MAP3K5: variants seen among roughly 807,000 people sequenced by gnomAD.
The protein encoded by MAP3K5 is ASK-1.
Under a neutral mutation model 158.7 loss-of-function variants are expected in MAP3K5, and 56 were observed. That is an observed-to-expected ratio of 0.35 (90% CI 0.28 to 0.44). MAP3K5 has a LOEUF of 0.44. MAP3K5 is among the 20% of genes least tolerant of loss of function. MAP3K5 has a pLI of 1.00. For missense variants in MAP3K5, 1,294 were observed against 1,674.8 expected (o/e 0.77, Z 3.97); for synonymous variants, 579 against 601.7 (o/e 0.96, Z 0.55).
chr6:136,705,795 GC>G (rs1781049812), intron 2 of MAP3K5, among the ~76,000 whole-genome samples: 1 of 152,144 alleles, frequency 6.6e-6, no homozygotes, highest in African/African-American at 2.4e-5. Flanking sequence ...AAACGAGTTT[GC>G]TTTCCCTAAG....
intron 23 of MAP3K5, among the ~76,000 whole-genome samples, chr6:136,591,419 T>C (rs1401069181): frequency 6.6e-6 from 1 of 152,244 alleles, no homozygotes; most frequent in Non-Finnish European, 1.5e-5. Flanking sequence ...TGGCCACCCA[T>C]GGCCTTGAAC....
chr6:136,704,537 G>T lies in MAP3K5; in HGVS notation c.612+573C>A, dbSNP rs1239325247. ...CCACAACATTGAATACACTATAAAA[G>T]ATTTTCTTTTTATTTATTTATTTTT... On this transcript the variant is annotated intron_variant, in intron 3 of 29. Transcript: ENST00000359015. Among the ~76,000 whole-genome samples, 3 of 151,930 alleles carry T rather than the reference G, an allele frequency of 2.0e-5. No individual in the cohort carries two copies. The East Asian group carries it at 5.8e-4, about 29-fold the overall frequency.
intron 1 of MAP3K5, among the ~76,000 whole-genome samples, chr6:136,725,869 A>G (rs914238597): frequency 1.3e-5 from 2 of 152,210 alleles, no homozygotes; most frequent in African/African-American, 4.8e-5. Context: ...TGATTTTTGT[A>G]TATGGTGTGA....
At chr6:136,728,096 A>G (rs987234395) in intron 1 of MAP3K5, among the ~76,000 whole-genome samples, 1 of 152,226 alleles carries the variant, frequency 6.6e-6, no homozygotes, top group Admixed American at 6.5e-5. Flanking sequence ...TAAGTGGAGG[A>G]TAACACAAGG....
intron 1 of MAP3K5, among the ~76,000 whole-genome samples, chr6:136,754,810 A>G (rs1783399050): frequency 6.6e-6 from 1 of 152,126 alleles, no homozygotes; most frequent in Non-Finnish European, 1.5e-5. Flanking sequence ...CAGCCTAGGG[A>G]AGAATGATGT....
chr6:136,660,876 G>T (rs1412728274), intron 8 of MAP3K5, among the ~76,000 whole-genome samples: 2 of 151,842 alleles, frequency 1.3e-5, no homozygotes, highest in East Asian at 3.9e-4. Context: ...TTTTTGTCCA[G>T]TAGAGATGCA....
At chr6:136,663,727 A>T (rs1779107754) in intron 8 of MAP3K5, among the ~76,000 whole-genome samples, 1 of 150,174 alleles carries the variant, frequency 6.7e-6, no homozygotes, top group Non-Finnish European at 1.5e-5. Context: ...CTCCTGTCTC[A>T]GTCTCCCAAG....
intron 2 of MAP3K5, among the ~76,000 whole-genome samples, chr6:136,708,741 C>T (rs997903934): frequency 6.6e-6 from 1 of 152,124 alleles, no homozygotes. Flanking sequence ...ATATTGCGCA[C>T]ACACAGAAAT....
At chr6:136,757,689 C>T (rs370767623) in intron 1 of MAP3K5, among the ~76,000 whole-genome samples, 24 of 149,956 alleles carry the variant, frequency 1.6e-4, no homozygotes, top group African/African-American at 4.4e-4. Context: ...CTGGTTCAAG[C>T]GATTCTCCTA....
At chr6:136,673,089 T>C (rs1268755133) in intron 7 of MAP3K5, among the ~76,000 whole-genome samples, 1 of 150,666 alleles carries the variant, frequency 6.6e-6, no homozygotes, top group Non-Finnish European at 1.5e-5. Context: ...AGATAAGAAA[T>C]CTCCGACAGT....
chr6:136,611,137 AAG>A, intron 18 of MAP3K5, 143 bp downstream of exon 18: 8 of 444,182 alleles, frequency 1.8e-5, no homozygotes, highest in South Asian at 1.3e-4. Flanking sequence ...AAAAAAAAGA[AAG>A]AAAAGAAAAG....
intron 7 of MAP3K5, among the ~76,000 whole-genome samples, chr6:136,678,899 T>C (rs1779817746): frequency 6.6e-6 from 1 of 152,122 alleles, no homozygotes; most frequent in African/African-American, 2.4e-5. Context: ...GTAATTTTTG[T>C]ATTTTTAGTA....
intron 11 of MAP3K5, among the ~76,000 whole-genome samples, chr6:136,643,493 A>C (rs1051836003): frequency 1.3e-5 from 2 of 152,192 alleles, no homozygotes; most frequent in African/African-American, 4.8e-5. Flanking sequence ...CAGGAGGCTG[A>C]GGTCTTGCCT....
intron 21 of MAP3K5, 72 bp from the exon 22 acceptor site, chr6:136,592,686 A>T: frequency 8.2e-7 from 1 of 1,226,734 alleles, no homozygotes. Flanking sequence ...ACACCCATTG[A>T]AAGAGGCCAT....
intron 23 of MAP3K5, among the ~76,000 whole-genome samples, chr6:136,591,217 T>C (rs756753816): frequency 1.3e-5 from 2 of 152,226 alleles, no homozygotes; most frequent in African/African-American, 2.4e-5. Flanking sequence ...CAGTCTCAGG[T>C]ATGTCTTTAT....
chr6:136,579,114 G>C (rs532310559), intron 25 of MAP3K5, among the ~76,000 whole-genome samples: 136 of 151,894 alleles, frequency 9.0e-4, no homozygotes, highest in Non-Finnish European at 1.6e-3. Flanking sequence ...TAGTACAATA[G>C]AACATGTTTC....
At chr6:136,726,304 T>G (rs1781962889) in intron 1 of MAP3K5, among the ~76,000 whole-genome samples, 1 of 152,238 alleles carries the variant, frequency 6.6e-6, no homozygotes, top group Admixed American at 6.5e-5. Context: ...ATATTGAGTC[T>G]TTCAATCCAT....
chr6:136,637,262 T>A (rs1777682354), intron 14 of MAP3K5, 63 bp downstream of exon 14: 1 of 1,385,152 alleles, frequency 7.2e-7, no homozygotes, highest in Non-Finnish European at 1.0e-6. Flanking sequence ...CCTGCCTCAG[T>A]AAGGCTTCAA....
chr6:136,713,695 A>C (rs893595279), intron 2 of MAP3K5, among the ~76,000 whole-genome samples: 1 of 152,230 alleles, frequency 6.6e-6, no homozygotes, highest in Non-Finnish European at 1.5e-5. Context: ...ATCATTTCTG[A>C]ATAAATAAAA....
Sources: allele counts gnomAD v4.1 joint callset (sites outside exome capture counted in the v4.1 genomes callset), GRCh38; gene constraint gnomAD v4.1.1; transcripts MANE v1.5; gene names NCBI Gene and HGNC (gene_info 2026-07-23, HGNC 2026-07-21).